Variants in CDH2 observed in about 807,000 individuals in gnomAD.
CDH2 encodes the protein cadherin-2.
Under a neutral mutation model 92.0 loss-of-function variants are expected in CDH2, and 17 were observed. That is an observed-to-expected ratio of 0.18 (90% confidence interval 0.13 to 0.28). The LOEUF (loss-of-function observed/expected upper bound fraction) is 0.28. Among genes scored for constraint, CDH2 ranks in the 10% least tolerant of loss-of-function variants. The probability of loss-of-function intolerance (pLI) is 1.00; values close to 1 mark genes in which losing one functional copy is unlikely to be tolerated. For missense variants in CDH2, 862 were observed against 1,133.1 expected, an observed-to-expected ratio of 0.76 and a Z score of 3.44; for synonymous variants, 419 against 415.9, an observed-to-expected ratio of 1.01 and a Z score of -0.09.
At chr18:27,987,347 G>A (rs2012268502) in intron 11 of CDH2, among the ~76,000 whole-genome samples, 1 of 152,000 alleles carries the variant, frequency 6.6e-6, no homozygotes, top group African/African-American at 2.4e-5. Context: ...TTAAACAAGA[G>A]GTCCCATATT....
intron 1 of CDH2, among the ~76,000 whole-genome samples, 171 bp downstream of exon 1, chr18:28,176,792 G>A (rs919743107): frequency 7.3e-5 from 11 of 151,172 alleles, no homozygotes; most frequent in Non-Finnish European, 8.9e-5. Context: ...CCGGCGCCCG[G>A]ACGGAGCCCG....
chr18:28,155,111 CT>C (rs2144341492), intron 1 of CDH2, among the ~76,000 whole-genome samples: 1 of 152,228 alleles, frequency 6.6e-6, no homozygotes, highest in Admixed American at 6.5e-5. Flanking sequence ...GTTTGCTCCC[CT>C]GATTCCTTGT....
At chr18:27,947,563 T>C (rs937538975), downstream of CDH2, among the ~76,000 whole-genome samples, 1 of 151,718 alleles carries the variant, frequency 6.6e-6, no homozygotes, top group Non-Finnish European at 1.5e-5. Context: ...AGTGTAAAAA[T>C]TGAGTATTGT....
At chr18:27,995,998 T>C (rs1324747058) in intron 7 of CDH2, among the ~76,000 whole-genome samples, 1 of 152,184 alleles carries the variant, frequency 6.6e-6, no homozygotes, top group Non-Finnish European at 1.5e-5. Context: ...TAGATTCCGT[T>C]AAGTGTTCGA....
At chr18:28,171,087 A>T (rs2144370025) in intron 1 of CDH2, among the ~76,000 whole-genome samples, 1 of 152,232 alleles carries the variant, frequency 6.6e-6, no homozygotes, top group Non-Finnish European at 1.5e-5. Flanking sequence ...TACAAAAATT[A>T]GCTGGGCATG....
chr18:27,976,949 C>G (rs1422398621), intron 14 of CDH2, among the ~76,000 whole-genome samples: 3 of 152,060 alleles, frequency 2.0e-5, no homozygotes, highest in African/African-American at 7.2e-5. Flanking sequence ...GTACATTCAC[C>G]CTGATTTTAT....
chr18:28,147,645 T>G (rs899067576), intron 2 of CDH2, 28 bp downstream of exon 2: 6 of 1,349,424 alleles, frequency 4.4e-6, no homozygotes, highest in Non-Finnish European at 6.3e-6. Context: ...GGACACTGCA[T>G]GTACAAATAT....
chr18:27,935,345 G>A (rs544457130), intron 6 of CDH2, among the ~76,000 whole-genome samples: 24 of 152,320 alleles, frequency 1.6e-4, no homozygotes, highest in African/African-American at 5.5e-4. Context: ...GAGAGACAGA[G>A]AGAGAGTGAA....
chr18:28,002,881 T>G lies in CDH2; in HGVS notation c.1020+116A>C, dbSNP rs1434380690. The G allele has an allele frequency of 7.3e-6, 7 of 956,880 alleles. No homozygotes were observed. The African/African-American group carries it at 9.8e-5, about 13-fold the overall frequency. 59.3% of individuals were successfully genotyped at this position (956,880 alleles called of 1,614,324 possible). On this transcript the variant is annotated intron_variant, in intron 7 of 15. Coordinates refer to ENST00000269141, the MANE Select transcript of CDH2 (RefSeq NM_001792.5). ...CAACAGATTACTTAATGAAAACGAT[T>G]AGCATTTGAATAACACTGTGAGTAT...
chr18:28,082,368 A>T (rs1293684765), intron 2 of CDH2, among the ~76,000 whole-genome samples: 1 of 152,128 alleles, frequency 6.6e-6, no homozygotes, highest in East Asian at 1.9e-4. Flanking sequence ...CTATGATCAC[A>T]CAACTGTACT....
At chr18:27,946,966 G>C (rs1004398358), downstream of CDH2, among the ~76,000 whole-genome samples, 1 of 151,746 alleles carries the variant, frequency 6.6e-6, no homozygotes, top group Admixed American at 6.6e-5. Flanking sequence ...GTATAAACTG[G>C]TATCTATACT....
At chr18:28,153,138 AGAT>A (rs2016151607) in intron 1 of CDH2, among the ~76,000 whole-genome samples, 1 of 152,190 alleles carries the variant, frequency 6.6e-6, no homozygotes, top group African/African-American at 2.4e-5. Context: ...CTGACTTTAA[AGAT>A]GATTAAAAAT....
intron 2 of CDH2, among the ~76,000 whole-genome samples, chr18:28,112,902 A>G (rs1220035): frequency 0.54 from 81,727 of 151,982 alleles, 22,347 homozygotes; most frequent in Admixed American, 0.62. Flanking sequence ...CAGCAGAGAC[A>G]ACACAGAAAA....
At chr18:27,960,169 G>A (rs772377544) in intron 15 of CDH2, among the ~76,000 whole-genome samples, 2 of 152,086 alleles carry the variant, frequency 1.3e-5, no homozygotes, top group Admixed American at 6.5e-5. Flanking sequence ...GGAGAAGCCT[G>A]TCTCCCCTCC....
intron 1 of CDH2, among the ~76,000 whole-genome samples, chr18:28,161,654 GACAGAT>G (rs1215372474): frequency 6.6e-6 from 1 of 150,850 alleles, no homozygotes. Flanking sequence ...AGTCTGTCCT[GACAGAT>G]GCCCATCTCG....
chr18:28,121,247 T>G (rs140758840), intron 2 of CDH2, among the ~76,000 whole-genome samples: 3 of 152,208 alleles, frequency 2.0e-5, no homozygotes, highest in Admixed American at 2.0e-4. Context: ...AGAAAACATG[T>G]GATTGTTTTC....
intron 6 of CDH2, among the ~76,000 whole-genome samples, chr18:27,944,258 A>G (rs953501541): frequency 2.6e-5 from 4 of 152,196 alleles, no homozygotes; most frequent in African/African-American, 9.7e-5. Flanking sequence ...TGATAAATAT[A>G]TATGTATTAA....
rs1354610452 is a variant in CDH2 at position 28,137,388 on chromosome 18, C to T, written c.172+10285G>A. On this transcript the variant is annotated intron_variant, in intron 2 of 15. Transcript: ENST00000269141. ...ATATTTTTTAATGACAGGAAAGCAT[C>T]CATAAAAAGACCTTAATCCACATTG... Among the ~76,000 whole-genome samples, 4 of 152,064 alleles carry T rather than the reference C, an allele frequency of 2.6e-5. No homozygotes were observed. The South Asian group carries it at 8.3e-4, about 32-fold the overall frequency.
chr18:28,107,390 A>C (rs1170537688), intron 2 of CDH2, among the ~76,000 whole-genome samples: 1 of 152,124 alleles, frequency 6.6e-6, no homozygotes, highest in Admixed American at 6.5e-5. Context: ...GACGGTATGC[A>C]TATTAAAATG....
Sources: allele counts gnomAD v4.1 joint callset (sites outside exome capture counted in the v4.1 genomes callset), GRCh38; gene constraint gnomAD v4.1.1; transcripts MANE v1.5; gene names NCBI Gene and HGNC (gene_info 2026-07-23, HGNC 2026-07-21).